UNC13C: variants seen among roughly 807,000 people sequenced by gnomAD.
The protein encoded by UNC13C is unc-13 homolog C, also known as protein unc-13 homolog C.
In UNC13C, 174 loss-of-function variants were observed where a neutral mutation model predicts 245.4. The observed-to-expected ratio is 0.71, with a 90% CI of 0.63 to 0.80. The LOEUF is 0.80. Among genes scored for constraint, UNC13C ranks in the 30% least tolerant of loss-of-function variants. The probability of loss-of-function intolerance (pLI) is 0.00; values close to 1 mark genes in which losing one functional copy is unlikely to be tolerated. For missense variants in UNC13C, 2,829 were observed against 2,602.9 expected (o/e 1.09, Z -1.89); for synonymous variants, 992 against 895.1 (o/e 1.11, Z -1.93).
intron 2 of UNC13C, among the ~76,000 whole-genome samples, chr15:54,083,070 A>G (rs936740529): frequency 1.3e-5 from 2 of 152,052 alleles, no homozygotes; most frequent in Non-Finnish European, 2.9e-5. Context: ...GAAGAGTAAG[A>G]GCCGGCTCAT....
upstream of UNC13C, among the ~76,000 whole-genome samples, chr15:53,975,255 A>G (rs1384163902): frequency 6.6e-6 from 1 of 152,198 alleles, no homozygotes; most frequent in Non-Finnish European, 1.5e-5. Context: ...CATCTTTCCA[A>G]ATTGCATAAG....
At chr15:53,952,535 G>C in the UNC13C span, among the ~76,000 whole-genome samples, 1 of 152,164 alleles carries the variant, frequency 6.6e-6, no homozygotes, top group Non-Finnish European at 1.5e-5. Flanking sequence ...CTCAAATTTT[G>C]ATGGTTATTT....
chr15:54,048,542 A>G (rs570032951), intron 2 of UNC13C: 16 of 519,284 alleles, frequency 3.1e-5, no homozygotes, highest in South Asian at 2.9e-4. Flanking sequence ...TTGACTCTTT[A>G]AATGGAAGAC....
chr15:54,577,952 A>T (rs1435262117), intron 30 of UNC13C, among the ~76,000 whole-genome samples: 1 of 152,172 alleles, frequency 6.6e-6, no homozygotes, highest in Non-Finnish European at 1.5e-5. Flanking sequence ...TCCTCTTTGG[A>T]GTGAGAGAAA....
intron 4 of UNC13C, among the ~76,000 whole-genome samples, chr15:54,180,534 G>T (rs1014536913): frequency 6.6e-6 from 1 of 152,054 alleles, no homozygotes; most frequent in Non-Finnish European, 1.5e-5. Flanking sequence ...GCATTGCTGG[G>T]TCAAATGGCA....
chr15:54,214,295 G>A (rs532567201), intron 4 of UNC13C, among the ~76,000 whole-genome samples: 7 of 151,802 alleles, frequency 4.6e-5, no homozygotes, highest in African/African-American at 9.7e-5. Flanking sequence ...CTTTTCTTTC[G>A]CTAGTCTTTA....
chr15:54,628,716 G>C (rs1412197592), downstream of UNC13C: 3 of 151,946 alleles, frequency 2.0e-5, no homozygotes, highest in African/African-American at 2.4e-5. Context: ...ATATTATTTG[G>C]TTCTAACATC....
chr15:54,165,435 T>C (rs2033130216), intron 4 of UNC13C, among the ~76,000 whole-genome samples: 1 of 152,126 alleles, frequency 6.6e-6, no homozygotes, highest in South Asian at 2.1e-4. Context: ...GTGGTTCCCA[T>C]TGCTGCAATT....
intron 4 of UNC13C, among the ~76,000 whole-genome samples, chr15:54,153,276 C>G (rs1038070288): frequency 3.3e-5 from 5 of 151,920 alleles, no homozygotes; most frequent in African/African-American, 1.2e-4. Context: ...TTAAGCAACA[C>G]TTTAGATGTC....
intron 4 of UNC13C, among the ~76,000 whole-genome samples, chr15:54,227,474 C>A (rs77969781): frequency 1.3e-5 from 2 of 152,192 alleles, no homozygotes; most frequent in African/African-American, 4.8e-5. Flanking sequence ...CCTGCCAGCC[C>A]ATGCTGAGCC....
chr15:54,211,653 C>T (rs561826005), intron 4 of UNC13C, among the ~76,000 whole-genome samples: 8 of 152,200 alleles, frequency 5.3e-5, no homozygotes, highest in African/African-American at 1.9e-4. Context: ...CAAAAGTTCA[C>T]TCCCCAACAA....
At chr15:54,269,876 T>A (rs2036640363) in intron 10 of UNC13C, among the ~76,000 whole-genome samples, 2 of 152,174 alleles carry the variant, frequency 1.3e-5, no homozygotes, top group South Asian at 4.1e-4. Context: ...AAAGAAGAAA[T>A]TCAAATTTAA....
At chr15:54,385,175 T>C (rs2039810204) in intron 17 of UNC13C, among the ~76,000 whole-genome samples, 1 of 152,044 alleles carries the variant, frequency 6.6e-6, no homozygotes, top group Non-Finnish European at 1.5e-5. Context: ...TCACAAAGAA[T>C]AGTGGAAAGA....
chr15:54,157,810 T>C (rs965737705), intron 4 of UNC13C, among the ~76,000 whole-genome samples: 3 of 152,126 alleles, frequency 2.0e-5, no homozygotes, highest in African/African-American at 7.2e-5. Context: ...TCTACAAACA[T>C]CTGATCTTTG....
chr15:54,213,744 T>C (rs1415480051), intron 4 of UNC13C, among the ~76,000 whole-genome samples: 1 of 152,050 alleles, frequency 6.6e-6, no homozygotes, highest in Non-Finnish European at 1.5e-5. Flanking sequence ...TAGATAAAGC[T>C]ATATCAAGCA....
intron 4 of UNC13C, among the ~76,000 whole-genome samples, chr15:54,165,599 A>T (rs75808148): frequency 0.093 from 14,214 of 152,148 alleles, 1,495 homozygotes; most frequent in African/African-American, 0.25. Context: ...TATATACTAT[A>T]GTAAAACATT....
chr15:54,131,600 A>G (rs1382797375), intron 2 of UNC13C, among the ~76,000 whole-genome samples: 2 of 152,132 alleles, frequency 1.3e-5, no homozygotes, highest in South Asian at 4.1e-4. Context: ...TGCTGTATAC[A>G]CTATCCATAG....
chr15:53,863,614 C>T, the UNC13C span, among the ~76,000 whole-genome samples: 1 of 152,128 alleles, frequency 6.6e-6, no homozygotes, highest in Non-Finnish European at 1.5e-5. Context: ...ATTCAATAGA[C>T]TAGTATGTAG....
At chr15:54,126,863 GA>G (rs1220482797) in intron 2 of UNC13C, among the ~76,000 whole-genome samples, 2 of 152,042 alleles carry the variant, frequency 1.3e-5, no homozygotes, top group South Asian at 2.1e-4. Flanking sequence ...AAATTTACAA[GA>G]AAAAAACAAC....
Sources: gnomAD v4.1 joint callset for allele counts (sites outside exome capture counted in the v4.1 genomes callset) on GRCh38, gnomAD v4.1.1 for gene constraint, MANE v1.5 for transcripts, NCBI Gene and HGNC (gene_info 2026-07-23, HGNC 2026-07-21) for gene names.